NRG3: variants seen among roughly 807,000 people sequenced by gnomAD.
NRG3 encodes neuregulin 3, also known as pro-neuregulin-3, membrane-bound isoform.
Under a neutral mutation model 66.9 loss-of-function variants are expected in NRG3, and 31 were observed. That is an observed-to-expected ratio of 0.46 (90% CI 0.35 to 0.63). The LOEUF (loss-of-function observed/expected upper bound fraction) is 0.63, where lower values mean the gene tolerates loss of function less well. NRG3 is among the 20% of genes least tolerant of loss of function. NRG3 has a pLI of 0.00. For synonymous variants in NRG3, 393 were observed against 359.4 expected, an observed-to-expected ratio of 1.09 and a Z score of -1.06; for missense variants, 910 against 878.9, an observed-to-expected ratio of 1.04 and a Z score of -0.45.
intron 1 of NRG3, among the ~76,000 whole-genome samples, chr10:82,117,464 T>G (rs933391265): frequency 3.3e-5 from 5 of 152,188 alleles, no homozygotes; most frequent in African/African-American, 1.2e-4. Flanking sequence ...TATCAAGTTC[T>G]TTTAATTTAA....
intron 2 of NRG3, among the ~76,000 whole-genome samples, chr10:82,456,639 CTG>C (rs2091281110): frequency 6.6e-6 from 1 of 152,052 alleles, no homozygotes; most frequent in Non-Finnish European, 1.5e-5. Flanking sequence ...TGGTGCATGA[CTG>C]TAATTTTGGG....
At chr10:82,630,791 G>A (rs2049773906) in intron 2 of NRG3, among the ~76,000 whole-genome samples, 1 of 151,992 alleles carries the variant, frequency 6.6e-6, no homozygotes, top group Non-Finnish European at 1.5e-5. Context: ...ACAATTTAAT[G>A]GCTATGTAAT....
At chr10:81,951,594 G>A (rs1849360585) in intron 1 of NRG3, among the ~76,000 whole-genome samples, 1 of 152,090 alleles carries the variant, frequency 6.6e-6, no homozygotes, top group Admixed American at 6.5e-5. Flanking sequence ...CAAACTTTTT[G>A]TTGATCTCTA....
chr10:82,139,387 T>C (rs571979742), intron 1 of NRG3, among the ~76,000 whole-genome samples: 41 of 152,172 alleles, frequency 2.7e-4, no homozygotes, highest in Non-Finnish European at 5.1e-4. Context: ...TGCTTCAGTA[T>C]ATTTGTGCTT....
At chr10:81,916,877 C>G (rs924003781) in intron 1 of NRG3, among the ~76,000 whole-genome samples, 6 of 152,008 alleles carry the variant, frequency 3.9e-5, no homozygotes, top group Non-Finnish European at 7.4e-5. Flanking sequence ...TTAATTTTTA[C>G]AAAAAATGTC....
At chr10:82,481,371 C>A (rs1842256491) in intron 2 of NRG3, among the ~76,000 whole-genome samples, 1 of 151,986 alleles carries the variant, frequency 6.6e-6, no homozygotes, top group Non-Finnish European at 1.5e-5. Context: ...TGTCTGATCC[C>A]CCTTATTTGC....
intron 2 of NRG3, among the ~76,000 whole-genome samples, chr10:82,379,901 T>G (rs2085495854): frequency 1.8e-5 from 1 of 56,876 alleles, no homozygotes; most frequent in South Asian, 3.8e-4. Context: ...TTCAACAAAA[T>G]GAACAATCCA....
chr10:82,058,050 C>A (rs1181225079), intron 1 of NRG3, among the ~76,000 whole-genome samples: 1 of 151,536 alleles, frequency 6.6e-6, no homozygotes, highest in Non-Finnish European at 1.5e-5. Context: ...CATTAAAAAC[C>A]GATTATTTGA....
chr10:82,057,634 G>T (rs907897086), intron 1 of NRG3, among the ~76,000 whole-genome samples: 2 of 152,048 alleles, frequency 1.3e-5, no homozygotes, highest in African/African-American at 4.8e-5. Context: ...TTTGGGTGGG[G>T]AGTGGACAAG....
chr10:82,984,571 C>A (rs948962777), intron 8 of NRG3, among the ~76,000 whole-genome samples: 2 of 152,112 alleles, frequency 1.3e-5, no homozygotes, highest in African/African-American at 4.8e-5. Context: ...CAGTGTGAAG[C>A]AGAAAAACTC....
At chr10:82,250,362 A>G (rs1298427553) in intron 1 of NRG3, among the ~76,000 whole-genome samples, 3 of 152,180 alleles carry the variant, frequency 2.0e-5, no homozygotes, top group Non-Finnish European at 4.4e-5. Context: ...AGGCAGGTGG[A>G]TCGCCTGAGG....
At chr10:81,980,133 C>T (rs972250709) in intron 1 of NRG3, among the ~76,000 whole-genome samples, 1 of 152,016 alleles carries the variant, frequency 6.6e-6, no homozygotes, top group Non-Finnish European at 1.5e-5. Context: ...CATTTTGTTT[C>T]CTTCCCAAAT....
intron 2 of NRG3, among the ~76,000 whole-genome samples, chr10:82,652,915 T>C (rs1484765877): frequency 1.3e-5 from 2 of 152,198 alleles, no homozygotes; most frequent in African/African-American, 4.8e-5. Flanking sequence ...TATGCAGCAA[T>C]AAATAACTAA....
intron 3 of NRG3, among the ~76,000 whole-genome samples, chr10:82,767,004 A>G (rs1197306864): frequency 6.7e-6 from 1 of 149,346 alleles, no homozygotes; most frequent in Non-Finnish European, 1.5e-5. Context: ...ATATATATAT[A>G]TATGATATAT....
chr10:82,085,917 C>A (rs2065696870), intron 1 of NRG3, among the ~76,000 whole-genome samples: 1 of 152,130 alleles, frequency 6.6e-6, no homozygotes, highest in Non-Finnish European at 1.5e-5. Flanking sequence ...GGCTTACAGG[C>A]ATGAGCCACC....
chr10:82,675,943 A>G (rs1248190260), intron 2 of NRG3, among the ~76,000 whole-genome samples: 1 of 152,220 alleles, frequency 6.6e-6, no homozygotes, highest in African/African-American at 2.4e-5. Context: ...AACAAATTCT[A>G]TGAATCCATC....
At chr10:82,208,493 C>T (rs983764175) in intron 1 of NRG3, among the ~76,000 whole-genome samples, 1 of 152,108 alleles carries the variant, frequency 6.6e-6, no homozygotes, top group Non-Finnish European at 1.5e-5. Context: ...TGTTTTACCA[C>T]CTTGCTCTTT....
In NRG3 at chr10:81,876,191, A is replaced by G. The variant is rs746721153; in HGVS notation, c.823+28A>G. 5 of 1,545,362 alleles carry G rather than the reference A, an allele frequency of 3.2e-6. No homozygotes were observed. The East Asian group carries it at 9.8e-5, about 30-fold the overall frequency. ...AAGTAAACACTGTGTCTCAACTATG[A>G]TTTACTACTGAGTTTCCCTTCTGCC... On this transcript the variant is annotated intron_variant, in intron 1 of 8. Coordinates refer to ENST00000372141, the MANE Select transcript of NRG3 (RefSeq NM_001010848.4).
intron 1 of NRG3, among the ~76,000 whole-genome samples, chr10:81,931,599 C>A (rs1847353794): frequency 6.6e-6 from 1 of 152,162 alleles, no homozygotes; most frequent in South Asian, 2.1e-4. Context: ...CATTTTACTT[C>A]TATACCTTGA....
Sources: gnomAD v4.1 joint callset for allele counts (sites outside exome capture counted in the v4.1 genomes callset) on GRCh38, gnomAD v4.1.1 for gene constraint, MANE v1.5 for transcripts, NCBI Gene and HGNC (gene_info 2026-07-23, HGNC 2026-07-21) for gene names.